Variants in SCAI observed in about 807,000 individuals in gnomAD.
The protein encoded by SCAI is suppressor of cancer cell invasion.
Under a neutral mutation model 92.2 loss-of-function variants are expected in SCAI, and 24 were observed. The ratio of observed to expected loss-of-function variants is 0.26; its 90% CI spans 0.19 to 0.37. The LOEUF is 0.37. Among genes scored for constraint, SCAI ranks in the 10% least tolerant of loss-of-function variants. SCAI has a pLI of 1.00. For synonymous variants in SCAI, 261 were observed against 258.6 expected, an observed-to-expected ratio of 1.01 and a Z score of -0.09; for missense variants, 450 against 736.2, an observed-to-expected ratio of 0.61 and a Z score of 4.50.
At chr9:124,977,403 G>GCCC (rs397710309) in intron 14 of SCAI, among the ~76,000 whole-genome samples, 1 of 152,060 alleles carries the variant, frequency 6.6e-6, no homozygotes, top group Non-Finnish European at 1.5e-5. Context: ...AGTGAGGCCC[G>GCCC]GCACAGTGGC....
chr9:124,957,233 T>A (rs1305222164), intron 17 of SCAI, among the ~76,000 whole-genome samples: 1 of 152,128 alleles, frequency 6.6e-6, no homozygotes, highest in Non-Finnish European at 1.5e-5. Flanking sequence ...GATCAAGTGA[T>A]CTGCCTGCCT....
rs1022677315 is a variant in SCAI at position 124,948,960 on chromosome 9, A to G, written c.*3847T>C. On this transcript the variant is annotated 3_prime_UTR_variant, in exon 18 of 18. Coordinates refer to ENST00000336505, the MANE Select transcript of SCAI (RefSeq NM_001144877.3). ...TTTTTAAAAAATGAAATTCTTTGCC[A>G]CTATCATCAGCTCAAGCCCATTGGG... is the stretch of plus-strand genomic sequence containing the variant. 2.0e-5 allele frequency: 3 copies of G among 152,258 alleles called. No homozygotes were observed. The highest frequency in any genetic ancestry group is 7.2e-5 in the African/African-American group (3 of 41,468). The allele number at this position is 152,258 out of a possible 1,614,324, so 9.4% of individuals were successfully genotyped here. A position where few individuals can be genotyped will look rare whatever the true frequency, so the allele number is the denominator to read the frequency against.
intron 3 of SCAI, among the ~76,000 whole-genome samples, chr9:125,046,405 C>A (rs1303743173): frequency 5.9e-5 from 8 of 135,956 alleles, no homozygotes; most frequent in African/African-American, 1.9e-4. Flanking sequence ...GCATTTGCAG[C>A]AACCTGGAAG....
At chr9:124,984,674 C>A (rs905703406) in intron 14 of SCAI, among the ~76,000 whole-genome samples, 15 of 152,208 alleles carry the variant, frequency 9.9e-5, no homozygotes, top group African/African-American at 3.4e-4. Flanking sequence ...TATGGAAGAG[C>A]CTAGGAATTC....
intron 9 of SCAI, among the ~76,000 whole-genome samples, chr9:125,007,842 TTTTC>T (rs1440948985): frequency 6.6e-6 from 1 of 151,520 alleles, no homozygotes; most frequent in African/African-American, 2.4e-5. Context: ...TTTTAGTTCT[TTTTC>T]TTTTTCTTTT....
At chr9:124,990,014 A>G (rs1832085764) in intron 14 of SCAI, among the ~76,000 whole-genome samples, 1 of 151,064 alleles carries the variant, frequency 6.6e-6, no homozygotes, top group African/African-American at 2.4e-5. Flanking sequence ...GTTTCTACTA[A>G]AAATACAAAA....
chr9:125,046,677 C>G (rs1311878306), intron 3 of SCAI, among the ~76,000 whole-genome samples: 2 of 147,868 alleles, frequency 1.4e-5, no homozygotes, highest in African/African-American at 2.5e-5. Flanking sequence ...ACCAAACACA[C>G]CTGTTCCCCA....
chr9:125,064,778 G>A (rs533882715), intron 2 of SCAI, among the ~76,000 whole-genome samples: 33 of 152,228 alleles, frequency 2.2e-4, no homozygotes, highest in African/African-American at 7.7e-4. Flanking sequence ...CCCAGGAGGC[G>A]GAGGTTGCAG....
At chr9:125,088,360 T>C (rs562014824) in intron 2 of SCAI, among the ~76,000 whole-genome samples, 1 of 152,320 alleles carries the variant, frequency 6.6e-6, no homozygotes, top group East Asian at 1.9e-4. Context: ...GGGGGCAGAT[T>C]TCCCCCTTGC....
chr9:125,035,666 C>T (rs360210), intron 3 of SCAI, among the ~76,000 whole-genome samples: 102,707 of 152,138 alleles, frequency 0.68, 34,952 homozygotes, highest in Admixed American at 0.71. Flanking sequence ...CCTAAGAATA[C>T]ACAGCACCTA....
rs561057594 is a variant in SCAI, at chr9:125,086,368, C to T, written c.99-30361G>A. On this transcript the variant is annotated intron_variant, in intron 2 of 17. Coordinates refer to ENST00000336505, the MANE Select transcript of SCAI (RefSeq NM_001144877.3). ...GCTGGAAAGAGAACTTCAGCTACCA[C>T]AGGTGGTCAGAGATAAGGAAAAGTG... Among the ~76,000 whole-genome samples the T allele has an allele frequency of 1.8e-4, 28 of 152,306 alleles. No homozygotes were observed. In the South Asian group the frequency reaches 5.4e-3, roughly 29 times the overall value.
intron 14 of SCAI, among the ~76,000 whole-genome samples, chr9:124,977,702 T>A (rs1831789433): frequency 6.6e-6 from 1 of 151,786 alleles, no homozygotes; most frequent in African/African-American, 2.4e-5. Flanking sequence ...AAACAAAACA[T>A]AACAGAAGAA....
At chr9:125,001,890 C>CTTGTAGAAAA in intron 12 of SCAI, 75 bp downstream of exon 12, 5 of 1,040,386 alleles carry the variant, frequency 4.8e-6, no homozygotes, top group Non-Finnish European at 7.5e-6. Flanking sequence ...GGTCTGTGGG[C>CTTGTAGAAAA]TACGGGCCAT....
chr9:125,086,256 G>A (rs1413592019), intron 2 of SCAI, among the ~76,000 whole-genome samples: 3 of 152,130 alleles, frequency 2.0e-5, no homozygotes, highest in African/African-American at 7.2e-5. Context: ...CTTGAACACT[G>A]TTTCCAGGCA....
intron 2 of SCAI, among the ~76,000 whole-genome samples, chr9:125,122,757 T>A (rs1835181375): frequency 6.6e-6 from 1 of 151,742 alleles, no homozygotes; most frequent in Admixed American, 6.6e-5. Context: ...ATACAAAAAA[T>A]TTTCTGGGCG....
rs1834433027 is a variant in SCAI, at chr9:125,091,830, G to C, written c.99-35823C>G. Among the ~76,000 whole-genome samples, 1 of 152,098 alleles carries C rather than the reference G, an allele frequency of 6.6e-6. No homozygotes were observed. Among genetic ancestry groups the C allele is most frequent in the South Asian group, 2.1e-4 (1 of 4,832 alleles). On this transcript the variant is annotated intron_variant, in intron 2 of 17. Coordinates refer to ENST00000336505, the MANE Select transcript of SCAI (RefSeq NM_001144877.3). The surrounding 1 kb of genome is among the most constrained non-coding windows in gnomAD (Gnocchi z 4.3). The stretch of plus-strand genomic sequence containing the variant: ...TATTTCACTAAAAAACAGAGGCTTG[G>C]GCCGGGCACAGTGGCTCACGCCTGT...
chr9:125,129,243 C>T (rs964117667), intron 2 of SCAI, among the ~76,000 whole-genome samples: 1 of 151,226 alleles, frequency 6.6e-6, no homozygotes, highest in South Asian at 2.1e-4. Flanking sequence ...GAGTTCCAGA[C>T]CAGCCTGGTT....
intron 9 of SCAI, among the ~76,000 whole-genome samples, chr9:125,009,968 G>A (rs1262346642): frequency 2.0e-5 from 3 of 152,126 alleles, no homozygotes; most frequent in Admixed American, 6.5e-5. Context: ...GCCAAGGTGC[G>A]CAGATCACGA....
chr9:124,987,324 C>CG (rs1832015726), intron 14 of SCAI, among the ~76,000 whole-genome samples: 1 of 151,564 alleles, frequency 6.6e-6, no homozygotes, highest in African/African-American at 2.4e-5. Flanking sequence ...ACCTGGATGG[C>CG]TTTTTTTTAT....
Sources: gnomAD v4.1 joint callset for allele counts (sites outside exome capture counted in the v4.1 genomes callset) on GRCh38, gnomAD v4.1.1 for gene constraint, Gnocchi (gnomAD v3.1) non-coding constraint, MANE v1.5 for transcripts, NCBI Gene and HGNC (gene_info 2026-07-23, HGNC 2026-07-21) for gene names.